The following BAZ2A variants were observed in gnomAD, a reference collection of about 807,000 sequenced individuals.
BAZ2A encodes the protein bromodomain adjacent to zinc finger domain protein 2A.
A neutral mutation model predicts 199.9 loss-of-function variants in BAZ2A; 34 were observed. The ratio of observed to expected loss-of-function variants is 0.17; its 90% CI spans 0.13 to 0.23. The LOEUF is 0.23. Ranked by LOEUF, BAZ2A falls within the 10% of genes least tolerant of loss-of-function variation. BAZ2A has a pLI of 1.00. For synonymous variants in BAZ2A, 857 were observed against 883.9 expected, an observed-to-expected ratio of 0.97 and a Z score of 0.54; for missense variants, 2,002 against 2,391.1, an observed-to-expected ratio of 0.84 and a Z score of 3.39.
Position 56,623,190 on chromosome 12 carries a change from C to T in BAZ2A, c.-2-5658G>A, listed in dbSNP as rs535841713. On this transcript the variant is annotated intron_variant, in intron 1 of 28. Transcript: ENST00000549884. ...GGTGGAGGTTGCAGTGAGCCGAGATCGCGTCACTGCACTCCAGTCTGGGCG... is the reference window on the plus strand; with the variant it reads ...GGTGGAGGTTGCAGTGAGCCGAGATTGCGTCACTGCACTCCAGTCTGGGCG... 1.4e-4 allele frequency among the ~76,000 whole-genome samples: 21 copies of T among 151,348 alleles called. No individual in the cohort carries two copies. The East Asian group carries it at 2.5e-3, about 18-fold the overall frequency.
At chr12:56,617,773 G>A (rs532838162) in intron 1 of BAZ2A, among the ~76,000 whole-genome samples, 1 of 152,270 alleles carries the variant, frequency 6.6e-6, no homozygotes, top group East Asian at 1.9e-4. Flanking sequence ...AACAAAGCAA[G>A]TTAGCGAGAA....
At chr12:56,634,965 AGGC>A (rs974400845), upstream of BAZ2A, 4 of 984,412 alleles carry the variant, frequency 4.1e-6, no homozygotes, top group Middle Eastern at 5.2e-4. Context: ...GCCGGGCCGC[AGGC>A]GGCGGCGGCG....
At chr12:56,602,582 T>C in intron 19 of BAZ2A, 131 bp downstream of exon 19, 1 of 1,284,998 alleles carries the variant, frequency 7.8e-7, no homozygotes, top group African/African-American at 1.5e-5. Flanking sequence ...AGCTTTACTC[T>C]AAAATCTGTG....
upstream of BAZ2A, among the ~76,000 whole-genome samples, chr12:56,633,474 A>AC (rs1951367658): frequency 6.6e-6 from 1 of 152,138 alleles, no homozygotes; most frequent in Non-Finnish European, 1.5e-5. Context: ...GCGCAGCTGG[A>AC]CTGGGGGTGG....
In BAZ2A at chr12:56,599,024, G is replaced by A. The variant is rs1043480087; in HGVS notation, c.5403-13C>T. The A allele has an allele frequency of 6.8e-6, 11 of 1,609,486 alleles. 1 individual carries two copies. Among genetic ancestry groups the A allele is most frequent in the Non-Finnish European group, 6.8e-6 (8 of 1,178,054 alleles). On this transcript the variant is annotated splice_polypyrimidine_tract_variant and intron_variant, in intron 27 of 28. Coordinates refer to ENST00000549884, the MANE Select transcript of BAZ2A (RefSeq NM_001300905.2). ...CATCAGGATAATCCTATCATTAGAG[G>A]GACAATGATGGCTCCATCTCAGGAA...
intron 1 of BAZ2A, chr12:56,621,043 G>A (rs2137189420): frequency 2.0e-6 from 2 of 984,140 alleles, no homozygotes; most frequent in Non-Finnish European, 2.4e-6. Context: ...CACTTCAGAA[G>A]TCCTGGAAAT....
chr12:56,603,978 A>C (rs2136832006), intron 16 of BAZ2A, among the ~76,000 whole-genome samples: 1 of 152,308 alleles, frequency 6.6e-6, no homozygotes, highest in South Asian at 2.1e-4. Context: ...GCGCTATCGC[A>C]TTCCAGCCTA....
At chr12:56,625,800 C>T (rs1317408543) in intron 1 of BAZ2A, among the ~76,000 whole-genome samples, 8 of 140,154 alleles carry the variant, frequency 5.7e-5, no homozygotes, top group African/African-American at 1.4e-4. Flanking sequence ...GGCGTGAACC[C>T]GGGAGGCGGA....
intron 10 of BAZ2A, among the ~76,000 whole-genome samples, chr12:56,607,041 G>A (rs1049214233): frequency 1.3e-5 from 2 of 152,136 alleles, no homozygotes; most frequent in African/African-American, 4.8e-5. Flanking sequence ...TGGCAGAGTA[G>A]CCTTGGAGCC....
rs771328715 is a variant in BAZ2A, at chr12:56,615,337, T to C, written c.407A>G (p.His136Arg). 3.1e-6 allele frequency: 5 copies of C among 1,613,836 alleles called. No individual in the cohort carries two copies. The highest frequency in any genetic ancestry group is 1.1e-5 in the South Asian group (1 of 91,066). Residue 136 changes from histidine to arginine, a missense_variant, in exon 3 of 29, where the codon CAT (histidine) becomes CGT (arginine). Coordinates refer to ENST00000549884, the MANE Select transcript of BAZ2A (RefSeq NM_001300905.2). ...GGSRQPSSPSHNTNLRAGSQE... is the reference protein window; with the variant it reads ...GGSRQPSSPSRNTNLRAGSQE... ...GCTCCCAGCCCGAAGGTTAGTGTTATGACTTGGGGATGAAGGTTGCCGGCT... is the reference window on the plus strand; with the variant it reads ...GCTCCCAGCCCGAAGGTTAGTGTTACGACTTGGGGATGAAGGTTGCCGGCT...
intron 16 of BAZ2A, among the ~76,000 whole-genome samples, 185 bp from the exon 17 acceptor site, chr12:56,603,885 G>A (rs903760035): frequency 1.3e-5 from 2 of 152,020 alleles, no homozygotes; most frequent in African/African-American, 4.8e-5. Flanking sequence ...TGGTGGCATG[G>A]GCCTGTAATC....
chr12:56,632,423 G>C (rs186911096), upstream of BAZ2A, among the ~76,000 whole-genome samples: 2 of 152,146 alleles, frequency 1.3e-5, no homozygotes, highest in African/African-American at 4.8e-5. Flanking sequence ...AAGGGGGCCA[G>C]TCGGGGACTG....
intron 10 of BAZ2A, among the ~76,000 whole-genome samples, chr12:56,607,433 A>G (rs2136917525): frequency 6.6e-6 from 1 of 152,310 alleles, no homozygotes; most frequent in South Asian, 2.1e-4. Flanking sequence ...GTGCAATGGC[A>G]CAATCTCGGC....
intron 1 of BAZ2A, among the ~76,000 whole-genome samples, chr12:56,618,804 A>T (rs1466920945): frequency 1.3e-5 from 2 of 151,964 alleles, no homozygotes; most frequent in African/African-American, 4.8e-5. Flanking sequence ...CGCAAGGCAG[A>T]GGTTGCAGTG....
chr12:56,630,148 G>A lies in BAZ2A; in HGVS notation c.-26C>T, dbSNP rs1052720923. On this transcript the variant is annotated 5_prime_UTR_variant, in exon 1 of 29. Coordinates refer to ENST00000549884, the MANE Select transcript of BAZ2A (RefSeq NM_001300905.2). ...ACCTGAGGCAGCGGCGTCCAGCCGG[G>A]CTCGGGGCTCGTCTCTCCCCGGGGT... The A allele has an allele frequency of 1.0e-5, 10 of 985,566 alleles. No individual in the cohort carries two copies. In the African/African-American group the frequency reaches 1.7e-4, roughly 17 times the overall value. 61.1% of individuals were successfully genotyped at this position (985,566 alleles called of 1,614,324 possible).
chr12:56,604,768 T>A lies in BAZ2A; in HGVS notation c.2780A>T (p.Glu927Val). Residue 927 changes from glutamate (E) to valine (V), a missense_variant, in exon 15 of 29, where the codon GAG becomes GTG. Glu to Val is a moderately radical substitution (Grantham distance 121). Around this residue, in one of 6 missense-constraint regions of BAZ2A, gnomAD observed 1,081 missense variants for 1,274.7 expected, o/e 0.85. Transcript: ENST00000549884. Reference sequence around the variant, plus strand: ...CACATTGTCTCTTGTCAGTGGGATCTCAGACACCTTCTCCCCCAAGATCTT... The same window carrying A: ...CACATTGTCTCTTGTCAGTGGGATCACAGACACCTTCTCCCCCAAGATCTT... Reference protein sequence around the residue: ...SLKILGEKVSEIPLTRDNVSE... With the variant: ...SLKILGEKVSVIPLTRDNVSE... The A allele has an allele frequency of 6.2e-7, 1 of 1,613,834 alleles. No individual in the cohort carries two copies. Among genetic ancestry groups the A allele is most frequent in the Non-Finnish European group, 8.5e-7 (1 of 1,179,850 alleles).
intron 10 of BAZ2A, among the ~76,000 whole-genome samples, chr12:56,607,184 G>A (rs1482109357): frequency 6.6e-6 from 1 of 151,898 alleles, no homozygotes; most frequent in Admixed American, 6.6e-5. Flanking sequence ...ATTAACCAAG[G>A]GTGTGCCAGA....
chr12:56,619,023 C>T (rs546734317), intron 1 of BAZ2A, among the ~76,000 whole-genome samples: 164 of 151,952 alleles, frequency 1.1e-3, no homozygotes, highest in Middle Eastern at 3.4e-3. Context: ...TGGCGAGAAC[C>T]GATCTCTACA....
Position 56,597,785 on chromosome 12 carries a change from G to A in BAZ2A, c.*833C>T, listed in dbSNP as rs1183150683. 6.6e-6 allele frequency: 1 copy of A among 152,610 alleles called. No individual in the cohort carries two copies. The highest frequency in any genetic ancestry group is 1.5e-5 in the Non-Finnish European group (1 of 68,068). 9.5% of individuals were successfully genotyped at this position (152,610 alleles called of 1,614,324 possible). A position where few individuals can be genotyped will look rare whatever the true frequency, so the allele number is the denominator to read the frequency against. On this transcript the variant is annotated 3_prime_UTR_variant, in exon 29 of 29. Coordinates refer to ENST00000549884, the MANE Select transcript of BAZ2A (RefSeq NM_001300905.2). ...TCCCAAGAGGGTTTGGGAAGGAGGT[G>A]GGGAAGGAGGCTGGAAGGCCCAGGA...
Sources: allele counts gnomAD v4.1 joint callset (sites outside exome capture counted in the v4.1 genomes callset), GRCh38; gene constraint gnomAD v4.1.1; regional missense constraint gnomAD v4.1.1; transcripts MANE v1.5; gene names NCBI Gene and HGNC (gene_info 2026-07-23, HGNC 2026-07-21).